NDUFS4: variants seen among roughly 807,000 people sequenced by gnomAD.
NDUFS4 encodes NADH dehydrogenase [ubiquinone] iron-sulfur protein 4, mitochondrial.
In NDUFS4, 28 loss-of-function variants were observed where a neutral mutation model predicts 24.3. The ratio of observed to expected loss-of-function variants is 1.15; its 90% CI spans 0.85 to 1.58. The LOEUF is 1.58. Among genes scored for constraint, NDUFS4 ranks in the 40% most tolerant of loss-of-function variants. NDUFS4 has a pLI of 0.00. For missense variants in NDUFS4, 223 were observed against 207.9 expected (o/e 1.07, Z -0.45); for synonymous variants, 93 against 69.7 (o/e 1.34, Z -1.67).
intron 4 of NDUFS4, among the ~76,000 whole-genome samples, chr5:53,678,550 T>C (rs1357128415): frequency 2.6e-5 from 4 of 152,178 alleles, no homozygotes; most frequent in Non-Finnish European, 4.4e-5. Flanking sequence ...GGACAACATA[T>C]GGGACCATTA....
intron 1 of NDUFS4, among the ~76,000 whole-genome samples, chr5:53,568,040 T>A (rs995720243): frequency 1.3e-5 from 2 of 152,158 alleles, no homozygotes; most frequent in Non-Finnish European, 2.9e-5. Context: ...CTATTATAAA[T>A]TTTTTCTTTT....
rs143005483 is a variant in NDUFS4 at position 53,677,453 on chromosome 5, A to G, written c.425-5665A>G. Among the ~76,000 whole-genome samples the G allele has an allele frequency of 1.4e-4, 21 of 152,238 alleles. No homozygotes were observed. The East Asian group carries it at 4.1e-3, about 29-fold the overall frequency. On this transcript the variant is annotated intron_variant, in intron 4 of 4. Transcript: ENST00000296684. The stretch of plus-strand genomic sequence containing the variant: ...TATCCGAAACCTCTGTTATTTCTCC[A>G]TAGTATTTTCTATAGAAGATCTAGG...
chr5:53,617,672 C>A (rs1021597977), intron 2 of NDUFS4, among the ~76,000 whole-genome samples: 23 of 152,180 alleles, frequency 1.5e-4, no homozygotes, highest in African/African-American at 5.5e-4. Flanking sequence ...AGGTGCCCCA[C>A]CCTCTAAGCA....
intron 1 of NDUFS4, 133 bp from the exon 2 acceptor site, chr5:53,603,319 T>G: frequency 1.4e-6 from 1 of 704,492 alleles, no homozygotes; most frequent in Non-Finnish European, 2.4e-6. Flanking sequence ...TGTGCCCTCT[T>G]CTCTTTCTTT....
intron 2 of NDUFS4, among the ~76,000 whole-genome samples, chr5:53,621,899 A>AC (rs916012099): frequency 6.6e-6 from 1 of 151,356 alleles, no homozygotes; most frequent in Non-Finnish European, 1.5e-5. Flanking sequence ...ACGGGGTTTC[A>AC]CCGTGTTAGC....
chr5:53,654,808 G>A (rs1752117302), intron 3 of NDUFS4, among the ~76,000 whole-genome samples: 1 of 152,138 alleles, frequency 6.6e-6, no homozygotes, highest in Non-Finnish European at 1.5e-5. Flanking sequence ...GGTAAATCAA[G>A]AGTCAGTTAT....
At chr5:53,668,965 TTAAG>T (rs1420470546) in intron 4 of NDUFS4, among the ~76,000 whole-genome samples, 19 of 152,104 alleles carry the variant, frequency 1.2e-4, no homozygotes, top group African/African-American at 3.4e-4. Context: ...TTATGTCACA[TTAAG>T]TAACAGGGAC....
chr5:53,632,142 G>A (rs1260495522), intron 2 of NDUFS4, among the ~76,000 whole-genome samples: 2 of 152,206 alleles, frequency 1.3e-5, no homozygotes, highest in African/African-American at 4.8e-5. Context: ...GCAGACCAGA[G>A]CAGTTCCTAT....
At chr5:53,671,486 G>A (rs909374579) in intron 4 of NDUFS4, among the ~76,000 whole-genome samples, 1 of 152,108 alleles carries the variant, frequency 6.6e-6, no homozygotes, top group African/African-American at 2.4e-5. Flanking sequence ...CTTAAACTTA[G>A]GGCCTCATCC....
chr5:53,582,005 A>ATT lies in NDUFS4; in HGVS notation c.98+21246_98+21247dup, dbSNP rs1258969931. On this transcript the variant is annotated intron_variant, in intron 1 of 4. Coordinates refer to ENST00000296684, the MANE Select transcript of NDUFS4 (RefSeq NM_002495.4). ...GGCAGGTGGATCATGAGGTCAGGAG[A>ATT]TTGAGACCATCCTGGCTAACACGGT... Among the ~76,000 whole-genome samples, 8 of 152,140 alleles carry ATT rather than the reference A, an allele frequency of 5.3e-5. No homozygotes were observed. In the East Asian group the frequency reaches 1.6e-3, roughly 30 times the overall value.
chr5:53,637,273 G>A (rs908926550), intron 2 of NDUFS4, among the ~76,000 whole-genome samples: 1 of 152,130 alleles, frequency 6.6e-6, no homozygotes, highest in South Asian at 2.1e-4. Flanking sequence ...TAGCTGTAAG[G>A]CAACCATACA....
At chr5:53,606,152 C>G (rs1174707734) in intron 2 of NDUFS4, among the ~76,000 whole-genome samples, 2 of 152,084 alleles carry the variant, frequency 1.3e-5, no homozygotes, top group African/African-American at 2.4e-5. Flanking sequence ...CCACTGCACT[C>G]CAGCCTAGGT....
chr5:53,680,440 T>C (rs929328728), intron 4 of NDUFS4, among the ~76,000 whole-genome samples: 1 of 152,006 alleles, frequency 6.6e-6, no homozygotes, highest in Non-Finnish European at 1.5e-5. Context: ...TTGGAACCAA[T>C]CCAGATGTCC....
intron 1 of NDUFS4, among the ~76,000 whole-genome samples, chr5:53,564,460 TTTTG>T (rs1300990873): frequency 6.6e-6 from 1 of 152,250 alleles, no homozygotes; most frequent in Non-Finnish European, 1.5e-5. Flanking sequence ...GGTTTATTTG[TTTTG>T]TTTCTTTTCC....
intron 1 of NDUFS4, among the ~76,000 whole-genome samples, chr5:53,568,258 A>G (rs890780229): frequency 7.9e-5 from 12 of 152,040 alleles, no homozygotes; most frequent in African/African-American, 2.4e-4. Context: ...TTGTGCATCA[A>G]AATTATCTGT....
intron 2 of NDUFS4, among the ~76,000 whole-genome samples, chr5:53,629,522 CTGTAGGTCTCTAAGAACT>C (rs1423098313): frequency 6.6e-6 from 1 of 152,058 alleles, no homozygotes. Flanking sequence ...CTAAGTCTCT[CTGTAGGTCTCTAAGAACT>C]TGCTTTATGA....
At chr5:53,674,354 G>A (rs970303517) in intron 4 of NDUFS4, among the ~76,000 whole-genome samples, 6 of 152,064 alleles carry the variant, frequency 3.9e-5, no homozygotes, top group African/African-American at 1.5e-4. Context: ...CTTCTTCCAC[G>A]GGAAGGCCAG....
intron 1 of NDUFS4, among the ~76,000 whole-genome samples, chr5:53,600,364 C>T (rs992961502): frequency 6.6e-6 from 1 of 151,778 alleles, no homozygotes; most frequent in Non-Finnish European, 1.5e-5. Flanking sequence ...GGCTGGAGTG[C>T]AGTGGTGCGA....
At chr5:53,646,452 T>C in intron 3 of NDUFS4, 47 bp downstream of exon 3, 1 of 1,579,154 alleles carries the variant, frequency 6.3e-7, no homozygotes, top group South Asian at 1.1e-5. Flanking sequence ...TCTTTTTCTA[T>C]GTAGATCTTT....
Sources: gnomAD v4.1 joint callset for allele counts (sites outside exome capture counted in the v4.1 genomes callset) on GRCh38, gnomAD v4.1.1 for gene constraint, MANE v1.5 for transcripts, NCBI Gene and HGNC (gene_info 2026-07-23, HGNC 2026-07-21) for gene names.